Variants in MAGI2 observed in about 807,000 individuals in gnomAD.
The protein encoded by MAGI2 is membrane-associated guanylate kinase, WW and PDZ domain-containing protein 2.
Under a neutral mutation model 133.3 loss-of-function variants are expected in MAGI2, and 35 were observed. The observed-to-expected ratio is 0.26, with a 90% CI of 0.20 to 0.35. MAGI2 has a LOEUF of 0.35. MAGI2 is among the 10% of genes least tolerant of loss of function. MAGI2 has a pLI of 1.00. For synonymous variants in MAGI2, 729 were observed against 710.6 expected (o/e 1.03, Z -0.41); for missense variants, 1,636 against 1,863.4 (o/e 0.88, Z 2.25).
At chr7:78,693,484 A>G (rs886314114) in intron 2 of MAGI2, among the ~76,000 whole-genome samples, 2 of 152,212 alleles carry the variant, frequency 1.3e-5, no homozygotes, top group African/African-American at 2.4e-5. Flanking sequence ...GAGAAAATCA[A>G]TTAAAACATT....
chr7:78,893,939 C>T (rs1796992477), intron 2 of MAGI2, among the ~76,000 whole-genome samples: 1 of 152,078 alleles, frequency 6.6e-6, no homozygotes, highest in African/African-American at 2.4e-5. Flanking sequence ...TTTTTACTCA[C>T]TATAATATAG....
At chr7:78,945,163 G>A (rs1801316266) in intron 2 of MAGI2, among the ~76,000 whole-genome samples, 1 of 152,072 alleles carries the variant, frequency 6.6e-6, no homozygotes, top group South Asian at 2.1e-4. Context: ...CCCGGTTCAA[G>A]CAATTCTCCT....
intron 2 of MAGI2, among the ~76,000 whole-genome samples, chr7:78,801,938 C>T (rs1788096380): frequency 6.6e-6 from 1 of 152,030 alleles, no homozygotes; most frequent in Admixed American, 6.6e-5. Flanking sequence ...TGAAATGCAC[C>T]GAGGAAACAC....
intron 10 of MAGI2, among the ~76,000 whole-genome samples, chr7:78,202,610 G>A (rs1169999629): frequency 6.7e-6 from 1 of 148,818 alleles, no homozygotes; most frequent in African/African-American, 2.5e-5. Context: ...TGGAACTCGG[G>A]AGGCGGAGAG....
chr7:78,814,303 A>G (rs1422459398), intron 2 of MAGI2, among the ~76,000 whole-genome samples: 2 of 152,186 alleles, frequency 1.3e-5, no homozygotes, highest in African/African-American at 4.8e-5. Flanking sequence ...CTACAGCACT[A>G]TATGTTCACA....
rs576633553 is a variant in MAGI2, at chr7:78,998,275, T to C, written c.418+8815A>G. Reference sequence around the variant, plus strand: ...ATAAGCTGTTTACACCTGCTCAATATCAAGGACATTCCATACTCAGAATAA... The same window carrying C: ...ATAAGCTGTTTACACCTGCTCAATACCAAGGACATTCCATACTCAGAATAA... On this transcript the variant is annotated intron_variant, in intron 2 of 21. Transcript: ENST00000354212. 7.9e-5 allele frequency among the ~76,000 whole-genome samples: 12 copies of C among 152,310 alleles called. No individual in the cohort carries two copies. The South Asian group carries it at 2.3e-3, about 29-fold the overall frequency.
intron 10 of MAGI2, among the ~76,000 whole-genome samples, chr7:78,240,615 G>A (rs904666358): frequency 2.0e-5 from 3 of 152,180 alleles, no homozygotes; most frequent in African/African-American, 7.2e-5. Context: ...AAGTAGAATG[G>A]TGGTTCCCAG....
At chr7:78,371,545 A>T (rs1241334698) in intron 6 of MAGI2, among the ~76,000 whole-genome samples, 3 of 152,024 alleles carry the variant, frequency 2.0e-5, no homozygotes, top group Admixed American at 6.6e-5. Flanking sequence ...ATTATCTTTT[A>T]TAAAGTAAAT....
At chr7:78,769,551 A>G in intron 2 of MAGI2, among the ~76,000 whole-genome samples, 1 of 152,184 alleles carries the variant, frequency 6.6e-6, no homozygotes, top group Non-Finnish European at 1.5e-5. Flanking sequence ...AGGAACCACA[A>G]GTCAGTCCGT....
At chr7:79,335,147 G>A (rs1389738606) in intron 1 of MAGI2, among the ~76,000 whole-genome samples, 1 of 152,104 alleles carries the variant, frequency 6.6e-6, no homozygotes, top group Non-Finnish European at 1.5e-5. Context: ...CCCCTCTAAA[G>A]CATGAAGATA....
At position 78,951,034 on chromosome 7, in the gene MAGI2, C is replaced by T. The variant is rs372102673; in HGVS notation, c.418+56056G>A. On this transcript the variant is annotated intron_variant, in intron 2 of 21. Transcript: ENST00000354212. The stretch of plus-strand genomic sequence containing the variant: ...TCACCCAAGCGGGAGTGCAGTGGTG[C>T]GATCTCAGCTAACTGCACCTCCCAC... Among the ~76,000 whole-genome samples the T allele has an allele frequency of 3.1e-4, 44 of 141,832 alleles. No individual in the cohort carries two copies. The South Asian group carries it at 6.0e-3, about 19-fold the overall frequency. 93.0% of individuals were successfully genotyped at this position (141,832 alleles called of 152,430 possible).
intron 1 of MAGI2, among the ~76,000 whole-genome samples, chr7:79,330,007 T>C (rs963439443): frequency 6.6e-5 from 10 of 152,058 alleles, no homozygotes; most frequent in African/African-American, 2.4e-4. Context: ...TATCCAAAAC[T>C]AATAAAGCAC....
chr7:78,732,794 T>A (rs1466142727), intron 2 of MAGI2, among the ~76,000 whole-genome samples: 1 of 108,178 alleles, frequency 9.2e-6, no homozygotes, highest in Admixed American at 9.6e-5. Flanking sequence ...ATTTGTGGAT[T>A]TTTTGTATTT....
chr7:78,270,699 T>A (rs1794478980), intron 9 of MAGI2, among the ~76,000 whole-genome samples: 1 of 151,786 alleles, frequency 6.6e-6, no homozygotes, highest in Non-Finnish European at 1.5e-5. Flanking sequence ...TGGGAGACGT[T>A]AACACCCCAC....
chr7:78,540,686 A>G (rs1470144254), intron 3 of MAGI2, among the ~76,000 whole-genome samples: 1 of 152,160 alleles, frequency 6.6e-6, no homozygotes, highest in African/African-American at 2.4e-5. Flanking sequence ...TCCTTCGCCA[A>G]TTCTACTGGC....
At chr7:78,865,024 G>A (rs1332764295) in intron 2 of MAGI2, among the ~76,000 whole-genome samples, 2 of 152,254 alleles carry the variant, frequency 1.3e-5, no homozygotes, top group East Asian at 3.9e-4. Flanking sequence ...GTGCTTTATA[G>A]AGTATTGCTA....
At chr7:79,388,005 C>A (rs55739903) in intron 1 of MAGI2, among the ~76,000 whole-genome samples, 22,635 of 151,156 alleles carry the variant, frequency 0.15, 1,883 homozygotes, top group East Asian at 0.29. Context: ...ATGATATTTC[C>A]CCAAATTAAA....
Position 79,295,118 on chromosome 7 carries a change from T to C in MAGI2, c.301+157902A>G, listed in dbSNP as rs530404735. On this transcript the variant is annotated intron_variant, in intron 1 of 21. Transcript: ENST00000354212. ...TATATCTTTTCTTGATGGAGTTTTA[T>C]TTTGCCATAGAATCTAACAGCAATT... Among the ~76,000 whole-genome samples, 26 of 152,268 alleles carry C rather than the reference T, an allele frequency of 1.7e-4. 1 individual carries two copies. In the South Asian group the frequency reaches 5.4e-3, roughly 32 times the overall value.
intron 20 of MAGI2, among the ~76,000 whole-genome samples, chr7:78,092,131 C>A (rs1276487238): frequency 6.6e-6 from 1 of 152,144 alleles, no homozygotes; most frequent in Admixed American, 6.5e-5. Context: ...TTTAACAGTG[C>A]ACAAGGAGTA....
Sources: gnomAD v4.1 joint callset for allele counts (sites outside exome capture counted in the v4.1 genomes callset) on GRCh38, gnomAD v4.1.1 for gene constraint, MANE v1.5 for transcripts, NCBI Gene and HGNC (gene_info 2026-07-23, HGNC 2026-07-21) for gene names.